PPFIA1: variants seen among roughly 807,000 people sequenced by gnomAD.
PPFIA1 encodes the protein PPFI scaffold protein A1.
PPFIA1 carries 25 observed loss-of-function variants against 149.9 expected under a neutral mutation model. That is an observed-to-expected ratio of 0.17 (90% CI 0.12 to 0.23). PPFIA1 has a LOEUF of 0.23. PPFIA1 is among the 10% of genes least tolerant of loss of function. The probability of loss-of-function intolerance (pLI) is 1.00; values close to 1 mark genes in which losing one functional copy is unlikely to be tolerated. For missense variants in PPFIA1, 1,362 were observed against 1,506.5 expected (o/e 0.90, Z 1.59); for synonymous variants, 549 against 552.8 (o/e 0.99, Z 0.10).
Position 70,362,609 on chromosome 11 carries a change from C to G in PPFIA1, c.2865+121C>G, listed in dbSNP as rs553919725. 15 of 1,055,334 alleles carry G rather than the reference C, an allele frequency of 1.4e-5. No individual in the cohort carries two copies. In the African/African-American group the frequency reaches 2.2e-4, roughly 16 times the overall value. 65.4% of individuals were successfully genotyped at this position (1,055,334 alleles called of 1,614,324 possible). On this transcript the variant is annotated intron_variant, in intron 21 of 27. Transcript: ENST00000253925. ...CAGCATATGAAGTATAGTTCTAATT[C>G]AAAATTTTAGCATCACATACATTAG...
At chr11:70,343,622 C>T in intron 14 of PPFIA1, 47 bp from the exon 15 acceptor site, 1 of 1,516,456 alleles carries the variant, frequency 6.6e-7, no homozygotes, top group African/African-American at 1.4e-5. Context: ...GTTTCTACAA[C>T]TAATGTTGTT....
intron 15 of PPFIA1, among the ~76,000 whole-genome samples, chr11:70,347,565 G>A (rs1214622395): frequency 1.3e-5 from 2 of 152,114 alleles, no homozygotes; most frequent in African/African-American, 4.8e-5. Flanking sequence ...GATGAGCCAG[G>A]CGTGGTAGTG....
chr11:70,334,583 A>G (rs890500629), intron 10 of PPFIA1: 5 of 152,264 alleles, frequency 3.3e-5, no homozygotes, highest in African/African-American at 1.2e-4. Flanking sequence ...CTTTCCCAAG[A>G]GGAAGTATGC....
In PPFIA1 at chr11:70,339,321, T is replaced by C. The variant is rs919142622; in HGVS notation, c.1707+15T>C. 2 of 1,608,418 alleles carry C rather than the reference T, an allele frequency of 1.2e-6. No individual in the cohort carries two copies. Among genetic ancestry groups the C allele is most frequent in the Non-Finnish European group, 8.5e-7 (1 of 1,175,960 alleles). On this transcript the variant is annotated intron_variant, in intron 14 of 27. Coordinates refer to ENST00000253925, the MANE Select transcript of PPFIA1 (RefSeq NM_003626.5). ...AGCCTTCCAAGGCAAGGTCTTTGTG[T>C]GAAATACCTCTGCTTACGTGAAAGT...
intron 8 of PPFIA1, among the ~76,000 whole-genome samples, chr11:70,330,520 TCA>T (rs1030791902): frequency 3.3e-5 from 5 of 152,244 alleles, no homozygotes; most frequent in Non-Finnish European, 7.3e-5. Flanking sequence ...AATTTTGTCC[TCA>T]GTTTTTTCTT....
At chr11:70,287,337 C>A (rs568803544) in intron 2 of PPFIA1, among the ~76,000 whole-genome samples, 1 of 152,040 alleles carries the variant, frequency 6.6e-6, no homozygotes, top group Non-Finnish European at 1.5e-5. Context: ...GTAAATAAGC[C>A]GTTGTCTGAG....
intron 2 of PPFIA1, among the ~76,000 whole-genome samples, chr11:70,293,541 A>C (rs986643461): frequency 6.6e-6 from 1 of 152,184 alleles, no homozygotes; most frequent in Admixed American, 6.5e-5. Context: ...CCCCTACCCC[A>C]CTGCCTTTGG....
intron 21 of PPFIA1, among the ~76,000 whole-genome samples, chr11:70,368,001 G>C (rs966053904): frequency 6.6e-6 from 1 of 152,124 alleles, no homozygotes; most frequent in African/African-American, 2.4e-5. Context: ...GCCAGGTATT[G>C]TTGGCTTGAG....
chr11:70,293,923 C>T (rs2051707640), intron 2 of PPFIA1, among the ~76,000 whole-genome samples: 1 of 150,796 alleles, frequency 6.6e-6, no homozygotes, highest in African/African-American at 2.4e-5. Context: ...GTAGTTCCTG[C>T]ACAGTTCTCT....
rs1383757510 is a variant in PPFIA1, at chr11:70,270,716, C to T, written c.-199C>T. 11 of 151,234 alleles carry T rather than the reference C, an allele frequency of 7.3e-5. No individual in the cohort carries two copies. The highest frequency in any genetic ancestry group is 1.9e-4 in the East Asian group (1 of 5,138). 9.4% of individuals were successfully genotyped at this position (151,234 alleles called of 1,614,324 possible). ...GACGCCGGCGCCGCGCAGCCGGGCC[C>T]GCTCCTCCTCCGCTCCGCCAGTGTC... On this transcript the variant is annotated 5_prime_UTR_variant, in exon 1 of 28. Coordinates refer to ENST00000253925, the MANE Select transcript of PPFIA1 (RefSeq NM_003626.5).
At chr11:70,283,979 T>C (rs1321340309) in intron 2 of PPFIA1, 5 of 533,468 alleles carry the variant, frequency 9.4e-6, no homozygotes, top group Non-Finnish European at 1.9e-5. Flanking sequence ...TGCTGTTAGG[T>C]TGGTGCAAAA....
intron 15 of PPFIA1, among the ~76,000 whole-genome samples, chr11:70,346,271 G>T (rs1357618045): frequency 6.6e-6 from 1 of 152,050 alleles, no homozygotes; most frequent in Non-Finnish European, 1.5e-5. Flanking sequence ...GGAGGAGCAG[G>T]TGTGTGTGTG....
At chr11:70,361,877 A>G (rs1472187178) in intron 19 of PPFIA1, among the ~76,000 whole-genome samples, 4 of 150,946 alleles carry the variant, frequency 2.6e-5, no homozygotes, top group Non-Finnish European at 5.9e-5. Context: ...TTCCTGCCTC[A>G]GTCTCCCGAG....
intron 2 of PPFIA1, among the ~76,000 whole-genome samples, chr11:70,318,638 A>G (rs2053766899): frequency 6.7e-6 from 1 of 149,616 alleles, no homozygotes; most frequent in Admixed American, 6.6e-5. Context: ...CTTTACTTCC[A>G]CTCTTCCCAT....
chr11:70,279,419 A>G (rs1024614837), intron 2 of PPFIA1: 4 of 168,630 alleles, frequency 2.4e-5, no homozygotes, highest in African/African-American at 9.5e-5. Flanking sequence ...GTGGCTTGTA[A>G]CATTTTCTTT....
intron 14 of PPFIA1, among the ~76,000 whole-genome samples, chr11:70,342,661 C>T (rs2055406539): frequency 6.6e-6 from 1 of 152,170 alleles, no homozygotes; most frequent in Admixed American, 6.5e-5. Context: ...CTTGAAAACA[C>T]TTATGAAATT....
At chr11:70,298,076 C>A (rs1422739152) in intron 2 of PPFIA1, among the ~76,000 whole-genome samples, 1 of 152,222 alleles carries the variant, frequency 6.6e-6, no homozygotes, top group African/African-American at 2.4e-5. Context: ...TCTGCTCTGA[C>A]TTTCCTCTAG....
intron 2 of PPFIA1, among the ~76,000 whole-genome samples, chr11:70,279,888 C>CTG (rs1038408596): frequency 2.9e-5 from 3 of 101,862 alleles, no homozygotes; most frequent in South Asian, 2.4e-4. Context: ...CGTGTCCGGC[C>CTG]TGTGTGTGTG....
intron 14 of PPFIA1, 57 bp from the exon 15 acceptor site, chr11:70,343,612 G>GT (rs1364039167): frequency 1.4e-6 from 2 of 1,469,238 alleles, no homozygotes; most frequent in East Asian, 4.5e-5. Flanking sequence ...ATAGATTTAT[G>GT]TTTCTACAAC....
Sources: allele counts gnomAD v4.1 joint callset (sites outside exome capture counted in the v4.1 genomes callset), GRCh38; gene constraint gnomAD v4.1.1; transcripts MANE v1.5; gene names NCBI Gene and HGNC (gene_info 2026-07-23, HGNC 2026-07-21).